The following PCLO variants were observed in gnomAD, a reference collection of about 807,000 sequenced individuals.
PCLO encodes piccolo presynaptic cytomatrix protein.
Under a neutral mutation model 427.5 loss-of-function variants are expected in PCLO, and 82 were observed. The observed-to-expected ratio is 0.19, with a 90% CI of 0.16 to 0.23. PCLO has a LOEUF of 0.23. PCLO is among the 10% of genes least tolerant of loss of function. The probability of loss-of-function intolerance (pLI) is 1.00; values close to 1 mark genes in which losing one functional copy is unlikely to be tolerated. For synonymous variants in PCLO, 2,357 were observed against 2,155.4 expected, an observed-to-expected ratio of 1.09 and a Z score of -2.59; for missense variants, 6,239 against 6,115.9, an observed-to-expected ratio of 1.02 and a Z score of -0.67.
At chr7:82,971,514 A>G (rs1795903594) in intron 3 of PCLO, among the ~76,000 whole-genome samples, 1 of 148,072 alleles carries the variant, frequency 6.8e-6, no homozygotes, top group South Asian at 2.1e-4. Flanking sequence ...ATAAAATTTC[A>G]TTCTATATGT....
At chr7:82,787,595 C>T (rs972093633) in intron 22 of PCLO, among the ~76,000 whole-genome samples, 4 of 152,044 alleles carry the variant, frequency 2.6e-5, no homozygotes, top group Non-Finnish European at 2.9e-5. Context: ...TAAAATATCA[C>T]ATGACGTGCT....
At chr7:82,839,609 G>A (rs1001969603) in intron 14 of PCLO, among the ~76,000 whole-genome samples, 3 of 152,152 alleles carry the variant, frequency 2.0e-5, no homozygotes, top group African/African-American at 7.2e-5. Flanking sequence ...CTTTATTTAA[G>A]GAGAAACACT....
At chr7:83,026,033 G>T (rs1788485854) in intron 3 of PCLO, among the ~76,000 whole-genome samples, 1 of 151,956 alleles carries the variant, frequency 6.6e-6, no homozygotes, top group African/African-American at 2.4e-5. Context: ...AGACTAGGAA[G>T]AAACTGCATC....
Position 82,849,045 on chromosome 7 carries a change from A to T in PCLO, c.13655-1798T>A, listed in dbSNP as rs180703219. 369 of 190,614 alleles carry T rather than the reference A, an allele frequency of 1.9e-3. 3 individuals are homozygous for T. Among genetic ancestry groups the T allele is most frequent in the Non-Finnish European group, 2.4e-3 (214 of 87,660 alleles). The allele number at this position is 190,614 out of a possible 1,614,324, so 11.8% of individuals were successfully genotyped here. ...TTAAATAAGGAGGAAGAGTACATTA[A>T]TAAACAGATGATTTTGAATTCAATC... is the stretch of plus-strand genomic sequence containing the variant. On this transcript the variant is annotated intron_variant, in intron 10 of 24. Coordinates refer to ENST00000333891, the MANE Select transcript of PCLO (RefSeq NM_033026.6).
chr7:83,068,353 A>G (rs1031001715), intron 3 of PCLO, among the ~76,000 whole-genome samples: 1 of 152,160 alleles, frequency 6.6e-6, no homozygotes, highest in Admixed American at 6.6e-5. Flanking sequence ...TGCAAACCAC[A>G]TATTTTATAA....
chr7:82,841,059 C>T (rs1792354282), intron 14 of PCLO, among the ~76,000 whole-genome samples: 1 of 151,680 alleles, frequency 6.6e-6, no homozygotes, highest in South Asian at 2.1e-4. Flanking sequence ...TACTTCTCTA[C>T]AAAAACTATT....
chr7:82,938,950 CTT>C lies in PCLO; in HGVS notation c.11112+10524_11112+10525del, dbSNP rs574219544. Among the ~76,000 whole-genome samples the C allele has an allele frequency of 4.6e-5, 7 of 152,080 alleles. No homozygotes were observed. The South Asian group carries it at 1.5e-3, about 32-fold the overall frequency. On this transcript the variant is annotated intron_variant, in intron 6 of 24. Transcript: ENST00000333891. ...TAATTTCCAAGAATTAACATGAAAACTTGTCTTAAAACGTAAATGTAAATTAA... is the reference window on the plus strand; with the variant it reads ...TAATTTCCAAGAATTAACATGAAAACGTCTTAAAACGTAAATGTAAATTAA...
At chr7:82,845,179 A>G in intron 13 of PCLO, 92 bp downstream of exon 13, 2 of 894,544 alleles carry the variant, frequency 2.2e-6, no homozygotes, top group Admixed American at 2.6e-5. Context: ...CATAAGAAAA[A>G]TACTTTAGAA....
chr7:83,111,496 T>C (rs964853752), intron 3 of PCLO, among the ~76,000 whole-genome samples: 3 of 152,170 alleles, frequency 2.0e-5, no homozygotes, highest in Non-Finnish European at 4.4e-5. Flanking sequence ...GTGACAGAAA[T>C]TTTCATGACT....
At chr7:82,820,474 T>C (rs1791764980) in intron 20 of PCLO, 6 of 1,175,626 alleles carry the variant, frequency 5.1e-6, no homozygotes, top group Admixed American at 4.5e-5. Context: ...CAGAACCCAG[T>C]AGTTTATGAA....
At chr7:83,040,218 T>C (rs1788938304) in intron 3 of PCLO, among the ~76,000 whole-genome samples, 1 of 152,168 alleles carries the variant, frequency 6.6e-6, no homozygotes, top group Non-Finnish European at 1.5e-5. Flanking sequence ...ACTTAGTATT[T>C]ATTTGGCTAC....
Position 82,951,892 on chromosome 7 carries a change from T to C in PCLO, c.9061A>G (p.Thr3021Ala). The change falls in exon 5 of 25, where the codon ACA becomes GCA. Residue 3021 changes from threonine to alanine, a missense_variant. Around this residue, in one of 5 missense-constraint regions of PCLO, gnomAD observed 4,677 missense variants for 4,468.4 expected, o/e 1.05. Transcript: ENST00000333891. ...NAFDYSEGTD[T>A]AVDLTSGRVT... ...CTCCCTGAAGTCAGATCTACTGCTG[T>C]GTCAGTTCCTTCAGAATAATCAAAA... The C allele has an allele frequency of 1.9e-6, 3 of 1,613,654 alleles. No individual in the cohort carries two copies. The highest frequency in any genetic ancestry group is 1.7e-6 in the Non-Finnish European group (2 of 1,179,754).
intron 6 of PCLO, among the ~76,000 whole-genome samples, chr7:82,940,755 CT>C (rs71531190): frequency 0.066 from 7,151 of 108,594 alleles, 55 homozygotes; most frequent in East Asian, 0.095. Context: ...TTTTTTCTTT[CT>C]TTTTTTTTTT....
intron 3 of PCLO, among the ~76,000 whole-genome samples, chr7:82,979,772 G>C (rs1197734791): frequency 6.6e-6 from 1 of 152,124 alleles, no homozygotes; most frequent in Non-Finnish European, 1.5e-5. Context: ...ATTTGGAACT[G>C]AGAAAGGGAA....
chr7:82,822,424 G>C, intron 20 of PCLO, 71 bp downstream of exon 20: 7 of 1,610,988 alleles, frequency 4.3e-6, no homozygotes, highest in Non-Finnish European at 5.9e-6. Flanking sequence ...AAACAGGAAA[G>C]GACAGCAGGA....
chr7:83,103,169 T>C (rs1276771775), intron 3 of PCLO, among the ~76,000 whole-genome samples: 1 of 151,976 alleles, frequency 6.6e-6, no homozygotes, highest in Non-Finnish European at 1.5e-5. Flanking sequence ...TTTTTTGCCA[T>C]TGTTAAAAAA....
In PCLO at chr7:82,801,578, G is replaced by T. The variant is rs558871819; in HGVS notation, c.14947C>A (p.Gln4983Lys). 5.7e-6 allele frequency: 9 copies of T among 1,582,344 alleles called. No homozygotes were observed. In the African/African-American group the frequency reaches 1.1e-4, roughly 19 times the overall value. Reference protein sequence around the residue: ...FPIPRIGKMGQNGQEPVKQPG... With the variant: ...FPIPRIGKMGKNGQEPVKQPG... ...TGTTTTACAGGCTCTTGTCCATTCT[G>T]TCCCATCTTCCCTCTGTTTAGAAAT... The change falls in exon 22 of 25, where the codon CAG becomes AAG. Residue 4983 changes from glutamine to lysine, a missense_variant. Gln to Lys is a moderately conservative substitution (Grantham distance 53). Coordinates refer to ENST00000333891, the MANE Select transcript of PCLO (RefSeq NM_033026.6).
chr7:83,022,871 T>C (rs531734398), intron 3 of PCLO, among the ~76,000 whole-genome samples: 2 of 152,320 alleles, frequency 1.3e-5, no homozygotes, highest in African/African-American at 4.8e-5. Flanking sequence ...TTTAACTTCT[T>C]CCCTCAGAAC....
intron 3 of PCLO, among the ~76,000 whole-genome samples, chr7:83,089,567 A>C (rs1790326758): frequency 2.0e-5 from 3 of 152,084 alleles, no homozygotes; most frequent in Non-Finnish European, 4.4e-5. Flanking sequence ...CTCCCTACTT[A>C]TTTCCTGCCA....
Sources: gnomAD v4.1 joint callset for allele counts (sites outside exome capture counted in the v4.1 genomes callset) on GRCh38, gnomAD v4.1.1 for gene constraint, gnomAD v4.1.1 regional missense constraint, MANE v1.5 for transcripts, NCBI Gene and HGNC (gene_info 2026-07-23, HGNC 2026-07-21) for gene names.